PDE1C: variants seen among roughly 807,000 people sequenced by gnomAD.
PDE1C encodes dual specificity calcium/calmodulin-dependent 3',5'-cyclic nucleotide phosphodiesterase 1C.
A neutral mutation model predicts 93.1 loss-of-function variants in PDE1C; 62 were observed. The ratio of observed to expected loss-of-function variants is 0.67; its 90% CI spans 0.54 to 0.82. The LOEUF is 0.82. Among genes scored for constraint, PDE1C ranks in the 40% least tolerant of loss-of-function variants. PDE1C has a pLI of 0.00. For missense variants in PDE1C, 742 were observed against 884.6 expected, an observed-to-expected ratio of 0.84 and a Z score of 2.04; for synonymous variants, 325 against 310.1, an observed-to-expected ratio of 1.05 and a Z score of -0.50.
At chr7:32,394,131 CAT>C (rs1784801175) in intron 1 of PDE1C, among the ~76,000 whole-genome samples, 1 of 152,236 alleles carries the variant, frequency 6.6e-6, no homozygotes, top group African/African-American at 2.4e-5. Flanking sequence ...TCTGCCTCTA[CAT>C]AGAGACCCCT....
chr7:31,721,393 G>A, the PDE1C span, among the ~76,000 whole-genome samples: 1 of 152,140 alleles, frequency 6.6e-6, no homozygotes, highest in African/African-American at 2.4e-5. Flanking sequence ...CTAACTACTT[G>A]AGCACTTGAA....
the PDE1C span, chr7:31,697,053 C>T: frequency 2.5e-6 from 4 of 1,613,956 alleles, no homozygotes; most frequent in Middle Eastern, 1.6e-4. Context: ...ATAACACTGA[C>T]CTGGAACAGA....
intron 6 of PDE1C, among the ~76,000 whole-genome samples, chr7:31,870,851 T>G (rs1219813417): frequency 6.6e-6 from 1 of 151,904 alleles, no homozygotes; most frequent in Non-Finnish European, 1.5e-5. Context: ...CTACATAAAT[T>G]CAAAATATGT....
intron 2 of PDE1C, among the ~76,000 whole-genome samples, chr7:31,918,852 T>G (rs1034745040): frequency 6.6e-6 from 1 of 152,188 alleles, no homozygotes; most frequent in Non-Finnish European, 1.5e-5. Context: ...GCCTCTACTA[T>G]ACTATGTGAT....
chr7:32,391,068 A>G (rs755400112), intron 1 of PDE1C, among the ~76,000 whole-genome samples: 43 of 152,178 alleles, frequency 2.8e-4, no homozygotes, highest in Non-Finnish European at 5.7e-4. Context: ...AATACATTAG[A>G]TACTCTAATC....
chr7:32,057,443 C>A (rs1794271197), intron 1 of PDE1C, among the ~76,000 whole-genome samples: 1 of 152,300 alleles, frequency 6.6e-6, no homozygotes, highest in Admixed American at 6.5e-5. Context: ...CCCAAAACCC[C>A]CCTCAACGGC....
intron 14 of PDE1C, among the ~76,000 whole-genome samples, chr7:31,820,281 A>G (rs1247532562): frequency 6.6e-6 from 1 of 152,060 alleles, no homozygotes; most frequent in African/African-American, 2.4e-5. Flanking sequence ...TAGAGAGGTA[A>G]TTAGTAATTT....
intron 1 of PDE1C, among the ~76,000 whole-genome samples, chr7:32,251,793 C>G (rs1490534961): frequency 6.6e-6 from 1 of 152,228 alleles, no homozygotes; most frequent in African/African-American, 2.4e-5. Flanking sequence ...TGTAGCTCCC[C>G]CTTGCTTTTA....
At chr7:31,929,640 C>T (rs568275102) in intron 2 of PDE1C, among the ~76,000 whole-genome samples, 1 of 152,326 alleles carries the variant, frequency 6.6e-6, no homozygotes, top group East Asian at 1.9e-4. Context: ...TCACTCAAAA[C>T]CACACAACTA....
At chr7:31,872,097 A>G (rs1796017840) in intron 6 of PDE1C, among the ~76,000 whole-genome samples, 1 of 152,184 alleles carries the variant, frequency 6.6e-6, no homozygotes, top group African/African-American at 2.4e-5. Flanking sequence ...ATTGGAAGTT[A>G]TTACATTAAG....
intron 3 of PDE1C, among the ~76,000 whole-genome samples, chr7:32,133,564 G>A (rs1385723503): frequency 6.6e-6 from 1 of 152,124 alleles, no homozygotes; most frequent in African/African-American, 2.4e-5. Context: ...CCAAATGTCT[G>A]GATGACCCCT....
rs555577593 is a variant in PDE1C, at chr7:31,828,356, C to A, written c.1221G>T (p.Glu407Asp). ...EFFRQGDREA[E>D]LGLPFSPLCD... Reference sequence around the variant, plus strand: ...ACAGAGGAGAAAAAGGCAGCCCCAGCTCTGCTTCTCTGTCACCCTGGAAAA... The same window carrying A: ...ACAGAGGAGAAAAAGGCAGCCCCAGATCTGCTTCTCTGTCACCCTGGAAAA... The change falls in exon 12 of 18, where the codon GAG (glutamate) becomes GAT (aspartate). Residue 407 changes from glutamate (E) to aspartate (D), a missense_variant. Transcript: ENST00000396191. 12 of 1,612,424 alleles carry A rather than the reference C, an allele frequency of 7.4e-6. No homozygotes were observed. The African/African-American group carries it at 8.0e-5, about 11-fold the overall frequency.
At chr7:31,887,994 C>G (rs975850011) in intron 2 of PDE1C, among the ~76,000 whole-genome samples, 4 of 151,886 alleles carry the variant, frequency 2.6e-5, no homozygotes, top group African/African-American at 7.3e-5. Flanking sequence ...AGAAGTCTAG[C>G]CTGTAATCCC....
chr7:31,675,046 G>A, the PDE1C span, among the ~76,000 whole-genome samples: 2 of 152,328 alleles, frequency 1.3e-5, no homozygotes, highest in Admixed American at 6.5e-5. Flanking sequence ...TCTGCATCAA[G>A]CAAGACCATA....
chr7:32,356,347 T>C (rs1481020106), intron 1 of PDE1C, among the ~76,000 whole-genome samples: 1 of 152,232 alleles, frequency 6.6e-6, no homozygotes, highest in African/African-American at 2.4e-5. Context: ...GGTTGGCTCC[T>C]TGTTAATTAC....
chr7:32,047,032 GGTGTGTGTGT>G (rs60646988), intron 2 of PDE1C, among the ~76,000 whole-genome samples: 1 of 148,710 alleles, frequency 6.7e-6, no homozygotes, highest in Non-Finnish European at 1.5e-5. Context: ...CTGAAATAGG[GGTGTGTGTGT>G]GTGTGTGTGT....
intron 11 of PDE1C, among the ~76,000 whole-genome samples, chr7:31,831,597 A>G (rs542642808): frequency 6.6e-6 from 1 of 152,264 alleles, no homozygotes; most frequent in African/African-American, 2.4e-5. Flanking sequence ...TACTGCTCTG[A>G]TTGCCCTGTG....
chr7:31,731,641 G>A, the PDE1C span, among the ~76,000 whole-genome samples: 2 of 152,138 alleles, frequency 1.3e-5, no homozygotes, highest in Non-Finnish European at 2.9e-5. Context: ...ACCCTCCTCG[G>A]CCTCCCAAAG....
chr7:32,249,420 T>C (rs989262718), intron 1 of PDE1C, among the ~76,000 whole-genome samples: 1 of 151,950 alleles, frequency 6.6e-6, no homozygotes, highest in African/African-American at 2.4e-5. Flanking sequence ...GGATCAGGGA[T>C]ATGGCATCAG....
Sources: gnomAD v4.1 joint callset for allele counts (sites outside exome capture counted in the v4.1 genomes callset) on GRCh38, gnomAD v4.1.1 for gene constraint, MANE v1.5 for transcripts, NCBI Gene and HGNC (gene_info 2026-07-23, HGNC 2026-07-21) for gene names.